The following C12orf42 variants were observed in gnomAD, a reference collection of about 807,000 sequenced individuals.
The protein encoded by C12orf42 is uncharacterized protein C12orf42.
Under a neutral mutation model 21.6 loss-of-function variants are expected in C12orf42, and 25 were observed. The ratio of observed to expected loss-of-function variants is 1.16; its 90% CI spans 0.84 to 1.62. The LOEUF (loss-of-function observed/expected upper bound fraction) is 1.62. C12orf42 is among the 40% of genes most tolerant of loss of function. C12orf42 has a pLI of 0.00. For missense variants in C12orf42, 483 were observed against 459.3 expected (o/e 1.05, Z -0.47); for synonymous variants, 174 against 175.0 (o/e 0.99, Z 0.05).
intron 4 of C12orf42, among the ~76,000 whole-genome samples, chr12:103,338,851 C>A (rs2041941887): frequency 1.3e-5 from 2 of 152,078 alleles, no homozygotes; most frequent in Admixed American, 6.6e-5. Context: ...AAGAGAGGAG[C>A]CATTTTGACT....
At chr12:103,218,872 T>C in the C12orf42 span, among the ~76,000 whole-genome samples, 1 of 152,216 alleles carries the variant, frequency 6.6e-6, no homozygotes, top group Non-Finnish European at 1.5e-5. Context: ...TTAACTGCCA[T>C]TTTACATTTG....
chr12:103,112,389 G>A, the C12orf42 span, among the ~76,000 whole-genome samples: 33 of 152,250 alleles, frequency 2.2e-4, no homozygotes, highest in African/African-American at 7.7e-4. Flanking sequence ...GCCAGGCGTG[G>A]TGGCTTACAC....
chr12:103,350,687 A>C (rs2043033482), intron 4 of C12orf42, among the ~76,000 whole-genome samples: 1 of 152,096 alleles, frequency 6.6e-6, no homozygotes, highest in African/African-American at 2.4e-5. Context: ...ATACTTTTTC[A>C]GTCCCACCTT....
At chr12:103,102,696 A>C in the C12orf42 span, among the ~76,000 whole-genome samples, 3 of 152,246 alleles carry the variant, frequency 2.0e-5, no homozygotes, top group African/African-American at 4.8e-5. Flanking sequence ...AAGTTAGCAC[A>C]AATTTAGCAG....
At chr12:103,384,563 G>T (rs1268265598) in intron 3 of C12orf42, among the ~76,000 whole-genome samples, 2 of 152,154 alleles carry the variant, frequency 1.3e-5, no homozygotes, top group Admixed American at 1.3e-4. Flanking sequence ...GTAAATGGTG[G>T]TTTCTCCCAC....
chr12:103,435,090 AC>A (rs1265813523), intron 2 of C12orf42, among the ~76,000 whole-genome samples: 1 of 151,958 alleles, frequency 6.6e-6, no homozygotes, highest in Non-Finnish European at 1.5e-5. Flanking sequence ...TGGGTCCCTG[AC>A]CCCTGACCCC....
At chr12:103,156,129 C>T in the C12orf42 span, 1 of 152,160 alleles carries the variant, frequency 6.6e-6, no homozygotes, top group African/African-American at 2.4e-5. Context: ...GGGCAGGTCA[C>T]ATCTGAAAGA....
the C12orf42 span, among the ~76,000 whole-genome samples, chr12:103,522,665 G>T: frequency 6.6e-6 from 1 of 152,180 alleles, no homozygotes; most frequent in African/African-American, 2.4e-5. Context: ...GGTATATTCT[G>T]CACAGCTCTT....
intron 2 of C12orf42, among the ~76,000 whole-genome samples, chr12:103,455,800 C>A (rs546378941): frequency 7.7e-4 from 117 of 152,206 alleles, no homozygotes; most frequent in African/African-American, 2.8e-3. Flanking sequence ...AAAACATTTG[C>A]TTGTTTTCTA....
the C12orf42 span, among the ~76,000 whole-genome samples, chr12:103,099,478 A>T: frequency 6.6e-6 from 1 of 152,352 alleles, no homozygotes; most frequent in South Asian, 2.1e-4. Context: ...CACTGAAGAC[A>T]TTCAGAGGCC....
At chr12:103,065,352 C>T in the C12orf42 span, among the ~76,000 whole-genome samples, 3 of 152,226 alleles carry the variant, frequency 2.0e-5, no homozygotes, top group African/African-American at 7.2e-5. Flanking sequence ...ACCTGGTATG[C>T]AGCCATTGAC....
chr12:103,322,154 C>T (rs183601489), intron 4 of C12orf42, among the ~76,000 whole-genome samples: 5 of 152,048 alleles, frequency 3.3e-5, no homozygotes, highest in African/African-American at 1.2e-4. Flanking sequence ...CACACACGCA[C>T]ACGCACACAA....
chr12:103,538,566 G>C, the C12orf42 span, among the ~76,000 whole-genome samples: 2 of 152,312 alleles, frequency 1.3e-5, no homozygotes, highest in African/African-American at 4.8e-5. Flanking sequence ...TGGGAACAAA[G>C]AATGGCAAAG....
At chr12:103,478,213 T>C (rs1283026916) in intron 2 of C12orf42, 136 bp downstream of exon 2, 1 of 604,564 alleles carries the variant, frequency 1.7e-6, no homozygotes, top group Non-Finnish European at 2.8e-6. Flanking sequence ...TGAGTATGGA[T>C]AAATATGGAA....
intron 10 of C12orf42, among the ~76,000 whole-genome samples, chr12:103,244,455 T>C (rs1244158178): frequency 2.6e-5 from 4 of 151,266 alleles, no homozygotes; most frequent in Non-Finnish European, 5.9e-5. Context: ...AGAGGAATCT[T>C]CCCCCATGTT....
chr12:103,305,330 G>A (rs1307469661), intron 5 of C12orf42, among the ~76,000 whole-genome samples: 13 of 152,004 alleles, frequency 8.6e-5, no homozygotes, highest in South Asian at 2.1e-4. Flanking sequence ...TACCACCACC[G>A]TCATCACCAC....
the C12orf42 span, among the ~76,000 whole-genome samples, chr12:103,540,293 A>T: frequency 6.6e-6 from 1 of 152,206 alleles, no homozygotes; most frequent in Non-Finnish European, 1.5e-5. Context: ...GGTGTGAGCT[A>T]CCGCGCCCGG....
chr12:103,391,813 C>CA (rs568857548), intron 3 of C12orf42, among the ~76,000 whole-genome samples: 137 of 151,600 alleles, frequency 9.0e-4, no homozygotes, highest in African/African-American at 3.2e-3. Context: ...CTTTGATGCA[C>CA]AAAAAAAATT....
At chr12:103,464,916 T>C (rs1953000773) in intron 2 of C12orf42, among the ~76,000 whole-genome samples, 1 of 152,206 alleles carries the variant, frequency 6.6e-6, no homozygotes, top group African/African-American at 2.4e-5. Flanking sequence ...TTCTGTTACA[T>C]TGGTCTATGT....
Sources: allele counts gnomAD v4.1 joint callset (sites outside exome capture counted in the v4.1 genomes callset), GRCh38; gene constraint gnomAD v4.1.1; transcripts MANE v1.5; gene names NCBI Gene and HGNC (gene_info 2026-07-23, HGNC 2026-07-21).